Variants in STMN2 observed in about 807,000 individuals in gnomAD.
The protein encoded by STMN2 is stathmin 2.
In STMN2, 2 loss-of-function variants were observed where a neutral mutation model predicts 24.1. The ratio of observed to expected loss-of-function variants is 0.08; its 90% CI spans 0.03 to 0.26. The LOEUF is 0.26. STMN2 is among the 10% of genes least tolerant of loss of function. STMN2 has a pLI of 1.00. For synonymous variants in STMN2, 83 were observed against 77.5 expected, an observed-to-expected ratio of 1.07 and a Z score of -0.37; for missense variants, 114 against 213.6, an observed-to-expected ratio of 0.53 and a Z score of 2.91.
At chr8:79,622,447 GA>G (rs1213387805) in intron 1 of STMN2, among the ~76,000 whole-genome samples, 1 of 152,184 alleles carries the variant, frequency 6.6e-6, no homozygotes, top group East Asian at 1.9e-4. Context: ...TTGAGGAAAT[GA>G]TTACTGCTTA....
intron 4 of STMN2, among the ~76,000 whole-genome samples, chr8:79,655,813 C>T (rs1161519002): frequency 6.6e-6 from 1 of 152,122 alleles, no homozygotes; most frequent in African/African-American, 2.4e-5. Flanking sequence ...TAGCTGTGTC[C>T]GTTTCCAGAA....
intron 4 of STMN2, among the ~76,000 whole-genome samples, chr8:79,657,200 G>T (rs1806396085): frequency 6.6e-6 from 1 of 152,132 alleles, no homozygotes; most frequent in Non-Finnish European, 1.5e-5. Context: ...GATTTCAATT[G>T]TAAAATAGTT....
intron 4 of STMN2, among the ~76,000 whole-genome samples, chr8:79,661,539 C>T (rs1177657793): frequency 6.6e-6 from 1 of 152,028 alleles, no homozygotes; most frequent in Non-Finnish European, 1.5e-5. Context: ...TACTATTGAA[C>T]ATGTCTGATG....
At chr8:79,661,246 C>G (rs192197517) in intron 4 of STMN2, among the ~76,000 whole-genome samples, 5 of 152,122 alleles carry the variant, frequency 3.3e-5, no homozygotes, top group Non-Finnish European at 7.4e-5. Context: ...AATTTACATT[C>G]CCATCAACAG....
At chr8:79,643,571 G>A (rs1810157117) in intron 3 of STMN2, among the ~76,000 whole-genome samples, 1 of 152,100 alleles carries the variant, frequency 6.6e-6, no homozygotes, top group Non-Finnish European at 1.5e-5. Context: ...GATTTAGGAT[G>A]TTGCTGGTGT....
At chr8:79,654,774 A>G (rs2130385543) in intron 3 of STMN2, 97 bp from the exon 4 acceptor site, 1 of 1,322,444 alleles carries the variant, frequency 7.6e-7, no homozygotes, top group Admixed American at 2.3e-5. Flanking sequence ...TGGGAGTACT[A>G]TTCATCTGAA....
chr8:79,641,602 TCTCACACA>T (rs1414458857), intron 3 of STMN2, 52 bp downstream of exon 3: 1 of 1,485,654 alleles, frequency 6.7e-7, no homozygotes, highest in African/African-American at 1.4e-5. Flanking sequence ...TGCTCCTCCC[TCTCACACA>T]CTCGGGCACA....
chr8:79,623,296 T>C (rs996613394), intron 1 of STMN2, among the ~76,000 whole-genome samples: 1 of 152,220 alleles, frequency 6.6e-6, no homozygotes, highest in East Asian at 1.9e-4. Flanking sequence ...TTATTGCTAT[T>C]TTTAAAATCT....
intron 3 of STMN2, among the ~76,000 whole-genome samples, chr8:79,652,752 T>A (rs188576899): frequency 4.6e-5 from 7 of 152,220 alleles, no homozygotes; most frequent in African/African-American, 1.7e-4. Flanking sequence ...CCATATGAGA[T>A]AGGTACTATT....
intron 1 of STMN2, among the ~76,000 whole-genome samples, chr8:79,624,194 C>T (rs969375984): frequency 1.3e-5 from 2 of 152,052 alleles, no homozygotes; most frequent in Non-Finnish European, 2.9e-5. Flanking sequence ...GTGGCTCACA[C>T]CTGTAATCCC....
intron 3 of STMN2, among the ~76,000 whole-genome samples, chr8:79,643,572 T>C (rs915285005): frequency 6.6e-6 from 1 of 152,082 alleles, no homozygotes; most frequent in East Asian, 1.9e-4. Flanking sequence ...ATTTAGGATG[T>C]TGCTGGTGTT....
intron 1 of STMN2, among the ~76,000 whole-genome samples, chr8:79,632,137 A>C (rs1809815131): frequency 6.6e-6 from 1 of 152,104 alleles, no homozygotes; most frequent in Admixed American, 6.6e-5. Flanking sequence ...CTAGTGCCCC[A>C]CTCTACCCAG....
chr8:79,613,316 G>T (rs1007168876), intron 1 of STMN2, among the ~76,000 whole-genome samples: 37 of 152,146 alleles, frequency 2.4e-4, no homozygotes, highest in African/African-American at 8.2e-4. Context: ...GGGGGCGCAC[G>T]TGGCGACTGG....
At chr8:79,653,236 G>A (rs903600751) in intron 3 of STMN2, among the ~76,000 whole-genome samples, 18 of 152,208 alleles carry the variant, frequency 1.2e-4, no homozygotes, top group African/African-American at 4.1e-4. Context: ...AATTAGCAGG[G>A]TGTGGTAGCA....
At chr8:79,632,835 T>C (rs1328881568) in intron 1 of STMN2, among the ~76,000 whole-genome samples, 1 of 152,166 alleles carries the variant, frequency 6.6e-6, no homozygotes, top group Non-Finnish European at 1.5e-5. Context: ...AATTCCAAAT[T>C]AAATAACAAC....
intron 3 of STMN2, among the ~76,000 whole-genome samples, chr8:79,644,580 A>T (rs1810178447): frequency 6.6e-6 from 1 of 152,196 alleles, no homozygotes; most frequent in Non-Finnish European, 1.5e-5. Flanking sequence ...TTTAGGTAAG[A>T]TCCCTGGGGT....
At chr8:79,621,128 T>C (rs944501191) in intron 1 of STMN2, among the ~76,000 whole-genome samples, 1 of 151,930 alleles carries the variant, frequency 6.6e-6, no homozygotes, top group African/African-American at 2.4e-5. Context: ...CCAGAAGGGA[T>C]TCTGAGTTTC....
At chr8:79,613,709 C>T (rs1339542246) in intron 1 of STMN2, 2 of 985,326 alleles carry the variant, frequency 2.0e-6, no homozygotes, top group African/African-American at 1.7e-5. Context: ...ACCCTTGTTG[C>T]GTTCGCTTTG....
At chr8:79,637,006 C>T in intron 2 of STMN2, 109 bp downstream of exon 2, 1 of 1,022,742 alleles carries the variant, frequency 9.8e-7, no homozygotes, top group Non-Finnish European at 1.5e-6. Context: ...TTTTGTAGCT[C>T]TCACTATTGA....
Sources: gnomAD v4.1 joint callset for allele counts (sites outside exome capture counted in the v4.1 genomes callset) on GRCh38, gnomAD v4.1.1 for gene constraint, MANE v1.5 for transcripts, NCBI Gene and HGNC (gene_info 2026-07-23, HGNC 2026-07-21) for gene names.